Variants in EXOC5 observed in about 807,000 individuals in gnomAD.
EXOC5 encodes exocyst complex component 5, also known as SEC10-like 1.
EXOC5 carries 17 observed loss-of-function variants against 90.8 expected under a neutral mutation model. That is an observed-to-expected ratio of 0.19 (90% CI 0.13 to 0.28). The LOEUF is 0.28. EXOC5 is among the 10% of genes least tolerant of loss of function. The probability of loss-of-function intolerance (pLI) is 1.00; values close to 1 mark genes in which losing one functional copy is unlikely to be tolerated. For missense variants in EXOC5, 569 were observed against 830.6 expected, an observed-to-expected ratio of 0.69 and a Z score of 3.87; for synonymous variants, 260 against 270.0, an observed-to-expected ratio of 0.96 and a Z score of 0.36.
In EXOC5 at chr14:57,203,285, T is replaced by C. The variant is rs1882555311; in HGVS notation, c.*5324A>G. ...GAGTTGAAAGGAACCAGTTACAGTA[T>C]AAAGATTAAAATGATAGGCAGGCAA... On this transcript the variant is annotated 3_prime_UTR_variant, in exon 18 of 18. Coordinates refer to ENST00000621441, the MANE Select transcript of EXOC5 (RefSeq NM_006544.4). 6.6e-6 allele frequency: 1 copy of C among 152,062 alleles called. No homozygotes were observed. Among genetic ancestry groups the C allele is most frequent in the African/African-American group, 2.4e-5 (1 of 41,404 alleles). The allele number at this position is 152,062 out of a possible 1,614,324, so 9.4% of individuals were successfully genotyped here.
rs144056116 is a variant in EXOC5, at chr14:57,222,472, A to G, written c.1297-56T>C. On this transcript the variant is annotated intron_variant, in intron 12 of 17. Coordinates refer to ENST00000621441, the MANE Select transcript of EXOC5 (RefSeq NM_006544.4). ...CTCAAGTCTACCTTTTGAAAATGCC[A>G]ATTTTTTTTAAGCAATCAATTTTTT... The G allele has an allele frequency of 3.2e-3, 3,109 of 964,432 alleles. 17 individuals carry two copies. The highest frequency in any genetic ancestry group is 0.016 in the Middle Eastern group (75 of 4,648). 59.7% of individuals were successfully genotyped at this position (964,432 alleles called of 1,614,324 possible).
At position 57,231,651 on chromosome 14, in the gene EXOC5, A is replaced by G. The variant is rs746356020; in HGVS notation, c.1003T>C (p.Ser335Pro). 1 of 1,613,328 alleles carries G rather than the reference A, an allele frequency of 6.2e-7. No homozygotes were observed. The highest frequency in any genetic ancestry group is 1.1e-5 in the South Asian group (1 of 91,008). The change falls in exon 11 of 18, where the codon TCT becomes CCT. Residue 335 changes from serine (S) to proline (P), a missense_variant. By Grantham distance (74) the Ser-to-Pro change is moderately conservative. Around this residue, in one of 9 missense-constraint regions of EXOC5, gnomAD observed 114 missense variants for 111.2 expected, o/e 1.03. Coordinates refer to ENST00000621441, the MANE Select transcript of EXOC5 (RefSeq NM_006544.4). ...ATGAAAATGGATTTGATAAGCTTAG[A>G]CAAGAAAGTCTGTTTATCAGTACCT... ...NLGTDKQTFL[S>P]KLIKSIFISY...
intron 2 of EXOC5, 62 bp downstream of exon 2, chr14:57,247,556 T>A (rs1326682693): frequency 1.4e-6 from 1 of 710,276 alleles, no homozygotes; most frequent in Non-Finnish European, 2.3e-6. Context: ...AACAGTCATC[T>A]CTATTCTAAC....
chr14:57,235,851 G>A (rs922417930), intron 6 of EXOC5, 31 bp from the exon 7 acceptor site: 5 of 983,464 alleles, frequency 5.1e-6, no homozygotes, highest in Non-Finnish European at 8.0e-6. Context: ...CTACACTGAG[G>A]CATACAAGGC....
intron 10 of EXOC5, 24 bp downstream of exon 10, chr14:57,232,643 A>T (rs748301701): frequency 2.0e-6 from 2 of 1,023,904 alleles, no homozygotes; most frequent in Non-Finnish European, 1.5e-6. Flanking sequence ...GTTATCTATT[A>T]TTTTCTAATC....
rs1566720528 is a variant in EXOC5, at chr14:57,201,509, C to CGTGT, written c.*7099_*7100insACAC. 257 of 140,168 alleles carry CGTGT rather than the reference C, an allele frequency of 1.8e-3. 2 individuals are homozygous for CGTGT. Among genetic ancestry groups the CGTGT allele is most frequent in the African/African-American group, 7.1e-3 (250 of 35,274 alleles). The allele number at this position is 140,168 out of a possible 1,614,324, so 8.7% of individuals were successfully genotyped here. On this transcript the variant is annotated 3_prime_UTR_variant, in exon 18 of 18. Transcript: ENST00000621441. ...ATAAACACACGTGTATATACACACA[C>CGTGT]ATATGTATATATATACACACACACC...
rs1882695723 is a variant in EXOC5 at position 57,207,534 on chromosome 14, T to C, written c.*1075A>G. The stretch of plus-strand genomic sequence containing the variant: ...TTAACTATATCCAAGTAGGAATAAC[T>C]TCAGAAATGCTTTGAAAAAGGACAA... On this transcript the variant is annotated 3_prime_UTR_variant, in exon 18 of 18. Transcript: ENST00000621441. The C allele has an allele frequency of 6.6e-6, 1 of 152,228 alleles. No individual in the cohort carries two copies. Among genetic ancestry groups the C allele is most frequent in the African/African-American group, 2.4e-5 (1 of 41,444 alleles). The allele number at this position is 152,228 out of a possible 1,614,324, so 9.4% of individuals were successfully genotyped here. A position where few individuals can be genotyped will look rare whatever the true frequency, so the allele number is the denominator to read the frequency against.
intron 15 of EXOC5, among the ~76,000 whole-genome samples, chr14:57,210,786 G>GA (rs1594645372): frequency 6.6e-6 from 1 of 151,960 alleles, no homozygotes; most frequent in African/African-American, 2.4e-5. Flanking sequence ...TTCATACAGA[G>GA]AAAAAATAAG....
At chr14:57,258,588 C>T (rs1884414252) in intron 1 of EXOC5, among the ~76,000 whole-genome samples, 1 of 152,076 alleles carries the variant, frequency 6.6e-6, no homozygotes, top group African/African-American at 2.4e-5. Context: ...AGGAGAAATA[C>T]CTAATGTAAA....
intron 6 of EXOC5, among the ~76,000 whole-genome samples, chr14:57,236,349 G>A (rs1480371422): frequency 3.4e-5 from 5 of 148,366 alleles, no homozygotes; most frequent in African/African-American, 5.0e-5. Flanking sequence ...GCAGTGGCGC[G>A]ATCTCGGCTC....
chr14:57,205,837 A>G lies in EXOC5; in HGVS notation c.*2772T>C, dbSNP rs1414268324. On this transcript the variant is annotated 3_prime_UTR_variant, in exon 18 of 18. Coordinates refer to ENST00000621441, the MANE Select transcript of EXOC5 (RefSeq NM_006544.4). ...CCTACTTTGATAGTTTTTTAAAACA[A>G]GGAAGATCCTAAGGACTTGCAACTA... is the stretch of plus-strand genomic sequence containing the variant. The G allele has an allele frequency of 2.2e-6, 1 of 446,194 alleles. No individual in the cohort carries two copies. The highest frequency in any genetic ancestry group is 2.6e-5 in the Admixed American group (1 of 39,020). The allele number at this position is 446,194 out of a possible 1,614,324, so 27.6% of individuals were successfully genotyped here.
chr14:57,213,368 C>T (rs1029496440), intron 15 of EXOC5, among the ~76,000 whole-genome samples: 5 of 151,510 alleles, frequency 3.3e-5, no homozygotes, highest in Admixed American at 6.6e-5. Flanking sequence ...GGTGACAGAG[C>T]AAGATCATAT....
chr14:57,268,545 G>A (rs1345671836), intron 1 of EXOC5, 77 bp downstream of exon 1: 6 of 1,543,154 alleles, frequency 3.9e-6, no homozygotes, highest in Non-Finnish European at 5.2e-6. Context: ...GCCAGCAAAC[G>A]CCCGCTCCTC....
intron 1 of EXOC5, chr14:57,268,342 C>A (rs1884755711): frequency 1.3e-6 from 1 of 754,080 alleles, no homozygotes; most frequent in Admixed American, 3.2e-5. Flanking sequence ...TCCAGACTTT[C>A]CCTCTTGCCC....
At chr14:57,230,424 A>AACACACAC (rs141411059) in intron 11 of EXOC5, among the ~76,000 whole-genome samples, 25 of 92,272 alleles carry the variant, frequency 2.7e-4, no homozygotes, top group African/African-American at 2.3e-3. Flanking sequence ...GACTACCGTA[A>AACACACAC]ACACACACAC....
chr14:57,260,379 A>C (rs929551710), intron 1 of EXOC5, among the ~76,000 whole-genome samples: 3 of 152,154 alleles, frequency 2.0e-5, no homozygotes, highest in Non-Finnish European at 4.4e-5. Context: ...AAAATAAATA[A>C]TTTTACTTTT....
At chr14:57,229,301 T>C (rs912910314) in intron 12 of EXOC5, among the ~76,000 whole-genome samples, 1 of 152,182 alleles carries the variant, frequency 6.6e-6, no homozygotes, top group Non-Finnish European at 1.5e-5. Context: ...ATTTATATCT[T>C]AGTAAAACAA....
Position 57,204,717 on chromosome 14 carries a change from T to G in EXOC5, c.*3892A>C, listed in dbSNP as rs962985121. On this transcript the variant is annotated 3_prime_UTR_variant, in exon 18 of 18. Transcript: ENST00000621441. ...AGATTTGTGATAGACATATTTCTAT[T>G]AGGTACAAACTTAACATTAAAATTT... 6.6e-5 allele frequency: 10 copies of G among 152,458 alleles called. No individual in the cohort carries two copies. Among genetic ancestry groups the G allele is most frequent in the Non-Finnish European group, 1.3e-4 (9 of 67,908 alleles). 9.4% of individuals were successfully genotyped at this position (152,458 alleles called of 1,614,324 possible). A position where few individuals can be genotyped will look rare whatever the true frequency, so the allele number is the denominator to read the frequency against.
chr14:57,252,295 GA>G (rs979428626), intron 1 of EXOC5, among the ~76,000 whole-genome samples: 13 of 152,108 alleles, frequency 8.5e-5, no homozygotes, highest in African/African-American at 2.4e-4. Context: ...CATTCATGCA[GA>G]AATCCTCAAC....
Sources: allele counts gnomAD v4.1 joint callset (sites outside exome capture counted in the v4.1 genomes callset), GRCh38; gene constraint gnomAD v4.1.1; regional missense constraint gnomAD v4.1.1; transcripts MANE v1.5; gene names NCBI Gene and HGNC (gene_info 2026-07-23, HGNC 2026-07-21).